Variants in ERO1A observed in about 807,000 individuals in gnomAD.
ERO1A encodes endoplasmic reticulum oxidoreductase 1 alpha.
Under a neutral mutation model 76.9 loss-of-function variants are expected in ERO1A, and 49 were observed. The ratio of observed to expected loss-of-function variants is 0.64; its 90% CI spans 0.51 to 0.81. The LOEUF (loss-of-function observed/expected upper bound fraction) is 0.81, where lower values mean the gene tolerates loss of function less well. ERO1A is among the 30% of genes least tolerant of loss of function. ERO1A has a pLI of 0.00. For missense variants in ERO1A, 448 were observed against 542.1 expected (o/e 0.83, Z 1.72); for synonymous variants, 174 against 181.2 (o/e 0.96, Z 0.32).
intron 13 of ERO1A, among the ~76,000 whole-genome samples, chr14:52,647,993 C>G (rs1160761685): frequency 2.6e-5 from 4 of 152,200 alleles, no homozygotes; most frequent in Non-Finnish European, 2.9e-5. Flanking sequence ...TCAATTTGCT[C>G]TGGAGACAGA....
Position 52,652,228 on chromosome 14 carries a change from A to G in ERO1A, c.1125+11T>C. ...CAGTTTGTATCTAACAGTTAAGTAT[A>G]AAGTAATTACCTTTAGTTTGTGTGC... On this transcript the variant is annotated intron_variant, in intron 13 of 15. Coordinates refer to ENST00000395686, the MANE Select transcript of ERO1A (RefSeq NM_014584.3). The G allele has an allele frequency of 6.7e-7, 1 of 1,503,448 alleles. No homozygotes were observed. 93.1% of individuals were successfully genotyped at this position (1,503,448 alleles called of 1,614,324 possible). A position where few individuals can be genotyped will look rare whatever the true frequency, so the allele number is the denominator to read the frequency against.
chr14:52,664,640 T>C (rs1372394581), intron 7 of ERO1A, among the ~76,000 whole-genome samples: 1 of 152,204 alleles, frequency 6.6e-6, no homozygotes, highest in East Asian at 1.9e-4. Context: ...ACAAAAGTAA[T>C]ACAAATCTAA....
rs2039465470 is a variant in ERO1A, at chr14:52,641,370, G to A, written c.*2200C>T. 6.6e-6 allele frequency: 1 copy of A among 151,042 alleles called. No individual in the cohort carries two copies. The highest frequency in any genetic ancestry group is 1.5e-5 in the Non-Finnish European group (1 of 67,802). 9.4% of individuals were successfully genotyped at this position (151,042 alleles called of 1,614,324 possible). A position where few individuals can be genotyped will look rare whatever the true frequency, so the allele number is the denominator to read the frequency against. On this transcript the variant is annotated 3_prime_UTR_variant, in exon 16 of 16. Coordinates refer to ENST00000395686, the MANE Select transcript of ERO1A (RefSeq NM_014584.3). ...TAATCCCAGCACTTTGGGAGGTCGA[G>A]GTGGGTGGATCACGAGGTCAGGAGA...
At chr14:52,672,121 A>G (rs989715065) in intron 4 of ERO1A, 4 of 310,738 alleles carry the variant, frequency 1.3e-5, no homozygotes, top group Admixed American at 4.9e-5. Flanking sequence ...GCTGGCCAAC[A>G]TGGTGAAACC....
In ERO1A at chr14:52,666,454, T is replaced by C; in HGVS notation, c.550A>G (p.Asn184Asp). The part of the protein sequence containing the change: ...PEAEYVDLLL[N>D]PERYTGYKGP... ...TTGTAACCAGTGTAGCGCTCAGGAT[T>C]AAGAAGCAAATCTACATATTCAGCT... is the stretch of plus-strand genomic sequence containing the variant. The change falls in exon 7 of 16, where the codon AAT (asparagine) becomes GAT (aspartate). Residue 184 changes from asparagine (N) to aspartate (D), a missense_variant. This residue lies in a region of ERO1A where 302 missense variants were observed against 411.9 expected (regional missense o/e 0.73). Coordinates refer to ENST00000395686, the MANE Select transcript of ERO1A (RefSeq NM_014584.3). 6.2e-7 allele frequency: 1 copy of C among 1,610,932 alleles called. No individual in the cohort carries two copies. The highest frequency in any genetic ancestry group is 1.1e-5 in the South Asian group (1 of 90,146).
At position 52,689,249 on chromosome 14, in the gene ERO1A, C is replaced by T. The variant is rs200124478; in HGVS notation, c.115-5342G>A. Among the ~76,000 whole-genome samples the T allele has an allele frequency of 8.5e-5, 13 of 152,328 alleles. No individual in the cohort carries two copies. In the East Asian group the frequency reaches 1.5e-3, roughly 18 times the overall value. ...GATTACAGGCATGAGCCACTGCGCC[C>T]GGCCCTCATATACATTTTTTATGAA... On this transcript the variant is annotated intron_variant, in intron 1 of 15. Coordinates refer to ENST00000395686, the MANE Select transcript of ERO1A (RefSeq NM_014584.3).
intron 4 of ERO1A, among the ~76,000 whole-genome samples, chr14:52,677,940 A>G (rs114682613): frequency 0.02 from 2,957 of 148,814 alleles, 110 homozygotes; most frequent in African/African-American, 0.069. Flanking sequence ...TTTTTCCTCT[A>G]TTTTTATTTA....
At chr14:52,683,450 T>G (rs966080130) in intron 2 of ERO1A, among the ~76,000 whole-genome samples, 2 of 152,198 alleles carry the variant, frequency 1.3e-5, no homozygotes, top group Non-Finnish European at 2.9e-5. Context: ...GATAAAGTCA[T>G]GATTCTACAA....
chr14:52,649,389 G>A (rs903624683), intron 13 of ERO1A, among the ~76,000 whole-genome samples: 3 of 152,146 alleles, frequency 2.0e-5, no homozygotes, highest in African/African-American at 7.2e-5. Context: ...AAATATGACT[G>A]TTTAAATCGA....
chr14:52,677,000 A>C (rs2040808049), intron 4 of ERO1A, among the ~76,000 whole-genome samples: 1 of 152,194 alleles, frequency 6.6e-6, no homozygotes, highest in Admixed American at 6.5e-5. Flanking sequence ...GGATGTCAGG[A>C]CAACAGGTAT....
chr14:52,682,488 T>A, intron 2 of ERO1A, 80 bp from the exon 3 acceptor site: 2 of 1,088,632 alleles, frequency 1.8e-6, no homozygotes, highest in Non-Finnish European at 2.7e-6. Flanking sequence ...TATGGTGCTA[T>A]AACTTGGTCA....
At position 52,641,083 on chromosome 14, in the gene ERO1A, GAAGTC is replaced by G. The variant is rs1229642832; in HGVS notation, c.*2482_*2486del. ...TGGTTCAGGAGTGAGCAAAATGTAA[GAAGTC>G]AAGGGAATAAATCTTTAAAGTAGGG... On this transcript the variant is annotated 3_prime_UTR_variant, in exon 16 of 16. Transcript: ENST00000395686. 3.3e-5 allele frequency: 5 copies of G among 152,164 alleles called. No homozygotes were observed. Among genetic ancestry groups the G allele is most frequent in the African/African-American group, 4.8e-5 (2 of 41,436 alleles). The allele number at this position is 152,164 out of a possible 1,614,324, so 9.4% of individuals were successfully genotyped here.
At chr14:52,643,711 C>T in intron 15 of ERO1A, 81 bp from the exon 16 acceptor site, 1 of 724,684 alleles carries the variant, frequency 1.4e-6, no homozygotes, top group South Asian at 2.1e-5. Flanking sequence ...CATTTTAAAA[C>T]ATTTTTAAAG....
intron 6 of ERO1A, among the ~76,000 whole-genome samples, chr14:52,670,403 C>T (rs1051012021): frequency 2.0e-5 from 3 of 152,018 alleles, no homozygotes; most frequent in African/African-American, 7.2e-5. Flanking sequence ...TTTTTTGAGA[C>T]GGAGTCTCGC....
At chr14:52,695,253 C>T in intron 1 of ERO1A, 115 bp downstream of exon 1, 1 of 668,332 alleles carries the variant, frequency 1.5e-6, no homozygotes, top group Non-Finnish European at 2.2e-6. Context: ...AGTCTCATTC[C>T]CGGTGGGAAG....
intron 6 of ERO1A, among the ~76,000 whole-genome samples, chr14:52,669,980 G>T (rs1287749811): frequency 2.0e-5 from 3 of 152,152 alleles, no homozygotes; most frequent in Non-Finnish European, 4.4e-5. Flanking sequence ...GGAGTACAGT[G>T]GTGCAATCAG....
intron 6 of ERO1A, among the ~76,000 whole-genome samples, chr14:52,671,082 G>A (rs1324366580): frequency 6.6e-6 from 1 of 152,156 alleles, no homozygotes; most frequent in African/African-American, 2.4e-5. Flanking sequence ...TTTCATATAA[G>A]TGAAATCATT....
rs117573844 is a variant in ERO1A at position 52,665,890 on chromosome 14, T to C, written c.629+485A>G. On this transcript the variant is annotated intron_variant, in intron 7 of 15. Coordinates refer to ENST00000395686, the MANE Select transcript of ERO1A (RefSeq NM_014584.3). ...ACTGAAGAAGAAAATGTATATAACA[T>C]GCTTACCACAATGCCTAGAATACAG... is the stretch of plus-strand genomic sequence containing the variant. 1.2e-4 allele frequency among the ~76,000 whole-genome samples: 19 copies of C among 152,330 alleles called. No individual in the cohort carries two copies. In the South Asian group the frequency reaches 3.9e-3, roughly 32 times the overall value.
intron 1 of ERO1A, among the ~76,000 whole-genome samples, chr14:52,688,052 G>C (rs2041234661): frequency 6.6e-6 from 1 of 152,100 alleles, no homozygotes; most frequent in Non-Finnish European, 1.5e-5. Flanking sequence ...CCAGGCATTG[G>C]GTGCACATCT....
Sources: gnomAD v4.1 joint callset for allele counts (sites outside exome capture counted in the v4.1 genomes callset) on GRCh38, gnomAD v4.1.1 for gene constraint, gnomAD v4.1.1 regional missense constraint, MANE v1.5 for transcripts, NCBI Gene and HGNC (gene_info 2026-07-23, HGNC 2026-07-21) for gene names.